The following PIEZO2 variants were observed in gnomAD, a reference collection of about 807,000 sequenced individuals.
The protein encoded by PIEZO2 is piezo type mechanosensitive ion channel component 2.
A neutral mutation model predicts 337.3 loss-of-function variants in PIEZO2; 172 were observed. The observed-to-expected ratio is 0.51, with a 90% CI of 0.45 to 0.58. The LOEUF is 0.58. Ranked by LOEUF, PIEZO2 falls within the 20% of genes least tolerant of loss-of-function variation. The probability of loss-of-function intolerance (pLI) is 0.00; values close to 1 mark genes in which losing one functional copy is unlikely to be tolerated. For synonymous variants in PIEZO2, 1,251 were observed against 1,228.5 expected, an observed-to-expected ratio of 1.02 and a Z score of -0.38; for missense variants, 3,028 against 3,391.3, an observed-to-expected ratio of 0.89 and a Z score of 2.66.
At chr18:10,715,611 T>G in intron 38 of PIEZO2, 39 bp downstream of exon 38, 2 of 1,468,230 alleles carry the variant, frequency 1.4e-6, no homozygotes, top group Non-Finnish European at 1.8e-6. Context: ...GTCTTCTTAA[T>G]GTGGGAAGGA....
At chr18:10,849,169 CGCCCAGCT>C (rs202219799) in intron 7 of PIEZO2, among the ~76,000 whole-genome samples, 2,711 of 152,234 alleles carry the variant, frequency 0.018, 81 homozygotes, top group African/African-American at 0.062. Context: ...TGTGGCACCA[CGCCCAGCT>C]CATTTTGTAT....
At chr18:10,776,363 TAAG>T (rs971137731) in intron 18 of PIEZO2, among the ~76,000 whole-genome samples, 3 of 152,222 alleles carry the variant, frequency 2.0e-5, no homozygotes, top group African/African-American at 7.2e-5. Flanking sequence ...CATTTTAAAA[TAAG>T]GAGCCATCTT....
intron 2 of PIEZO2, among the ~76,000 whole-genome samples, chr18:11,013,534 C>T (rs1343919854): frequency 3.3e-5 from 5 of 152,146 alleles, no homozygotes; most frequent in Admixed American, 1.3e-4. Context: ...TTAATTTCAC[C>T]GTTCTATCAA....
In PIEZO2 at chr18:10,699,047, G is replaced by T; in HGVS notation, c.6572C>A (p.Ala2191Glu). The T allele has an allele frequency of 6.5e-7, 1 of 1,537,166 alleles. No individual in the cohort carries two copies. The highest frequency in any genetic ancestry group is 8.7e-7 in the Non-Finnish European group (1 of 1,146,902). Residue 2191 changes from alanine to glutamate, a missense_variant, in exon 44 of 56, where the codon GCG becomes GAG. Physicochemically the swap from Ala to Glu is moderately radical, Grantham distance 107. Transcript: ENST00000674853. Reference sequence around the variant, plus strand: ...GGTCACATGCACTGACTCCACAGACGCGGCCAGGTTGATGGACTTGAGAGA... The same window carrying T: ...GGTCACATGCACTGACTCCACAGACTCGGCCAGGTTGATGGACTTGAGAGA... ...SDSLKSINLA[A>E]SVESVHVTFP...
chr18:10,800,492 G>T lies in PIEZO2; in HGVS notation c.1240-17C>A, dbSNP rs1023211051. The T allele has an allele frequency of 1.2e-5, 19 of 1,521,092 alleles. No homozygotes were observed. Among genetic ancestry groups the T allele is most frequent in the Non-Finnish European group, 1.7e-5 (19 of 1,139,784 alleles). The allele number at this position is 1,521,092 out of a possible 1,614,324, so 94.2% of individuals were successfully genotyped here. A position where few individuals can be genotyped will look rare whatever the true frequency, so the allele number is the denominator to read the frequency against. On this transcript the variant is annotated splice_polypyrimidine_tract_variant and intron_variant, in intron 10 of 55. Transcript: ENST00000674853. ...CAGCAGGCCCTGCCGGGAGTGCAGA[G>T]AAAGGGACAACTGTTACAGCAGCTC...
intron 51 of PIEZO2, among the ~76,000 whole-genome samples, chr18:10,681,328 G>A (rs1030329641): frequency 1.3e-5 from 2 of 152,208 alleles, no homozygotes; most frequent in African/African-American, 4.8e-5. Flanking sequence ...TGCCTAGATA[G>A]AGCGTTCTCA....
At chr18:11,071,888 T>C (rs1481478346) in intron 1 of PIEZO2, among the ~76,000 whole-genome samples, 1 of 152,170 alleles carries the variant, frequency 6.6e-6, no homozygotes, top group Non-Finnish European at 1.5e-5. Context: ...ATTCTTCCCC[T>C]GGGTTTGGGG....
rs1271895081 is a variant in PIEZO2, at chr18:10,833,843, G to A, written c.917+21510C>T. On this transcript the variant is annotated intron_variant, in intron 7 of 55. Coordinates refer to ENST00000674853, the MANE Select transcript of PIEZO2 (RefSeq NM_001378183.1). This position sits in a 1 kb window ranked among gnomAD's most constrained non-coding sequence, Gnocchi z 4.7. ...CGCATTAGGCTGCCCTTTCCCTGAA[G>A]CCAAGGTTGCCCTTGTCAACACAGG... 6.6e-6 allele frequency among the ~76,000 whole-genome samples: 1 copy of A among 152,222 alleles called. No homozygotes were observed. The highest frequency in any genetic ancestry group is 2.4e-5 in the African/African-American group (1 of 41,456).
intron 3 of PIEZO2, among the ~76,000 whole-genome samples, chr18:10,911,621 G>T (rs537081630): frequency 1.1e-3 from 167 of 152,244 alleles, no homozygotes; most frequent in African/African-American, 3.7e-3. Context: ...CGGGCATGGT[G>T]GTGGGCACCT....
intron 53 of PIEZO2, 134 bp from the exon 54 acceptor site, chr18:10,675,422 A>G: frequency 4.3e-6 from 2 of 464,594 alleles, no homozygotes; most frequent in Non-Finnish European, 7.4e-6. Context: ...CAATGTGTAG[A>G]CATCATAATT....
In PIEZO2 at chr18:10,725,079, G is replaced by T. The variant is rs558808676; in HGVS notation, c.5029+6328C>A. 3 of 1,518,800 alleles carry T rather than the reference G, an allele frequency of 2.0e-6. No homozygotes were observed. The East Asian group carries it at 6.8e-5, about 34-fold the overall frequency. 94.1% of individuals were successfully genotyped at this position (1,518,800 alleles called of 1,614,324 possible). A position where few individuals can be genotyped will look rare whatever the true frequency, so the allele number is the denominator to read the frequency against. On this transcript the variant is annotated intron_variant, in intron 36 of 55. Transcript: ENST00000674853. ...CCAACGTGGACCGTGAGGGAGACAA[G>T]TTCTTTCAGTCGCATTACACCTACA... is the stretch of plus-strand genomic sequence containing the variant.
At chr18:11,037,517 A>G (rs2036965588) in intron 2 of PIEZO2, among the ~76,000 whole-genome samples, 1 of 152,228 alleles carries the variant, frequency 6.6e-6, no homozygotes, top group South Asian at 2.1e-4. Context: ...CTGAGCAATT[A>G]GAGTAGATTG....
rs527827463 is a variant in PIEZO2 at position 10,980,525 on chromosome 18, T to C, written c.161-865A>G. Among the ~76,000 whole-genome samples the C allele has an allele frequency of 6.6e-6, 1 of 152,276 alleles. No individual in the cohort carries two copies. The highest frequency in any genetic ancestry group is 1.5e-5 in the Non-Finnish European group (1 of 68,012). On this transcript the variant is annotated intron_variant, in intron 2 of 55. Coordinates refer to ENST00000674853, the MANE Select transcript of PIEZO2 (RefSeq NM_001378183.1). This position sits in a 1 kb window ranked among gnomAD's most constrained non-coding sequence, Gnocchi z 4.8. Reference sequence around the variant, plus strand: ...TCACTGGATGTACTGGTCAATGCCATAAGATAAGAGATACAATGAAGATTG... The same window carrying C: ...TCACTGGATGTACTGGTCAATGCCACAAGATAAGAGATACAATGAAGATTG...
intron 2 of PIEZO2, among the ~76,000 whole-genome samples, chr18:11,058,797 G>C (rs1490748359): frequency 6.6e-6 from 1 of 152,194 alleles, no homozygotes; most frequent in Non-Finnish European, 1.5e-5. Context: ...ACCTGAAAGT[G>C]ACAGGGAGAA....
At chr18:10,743,415 TCAGAGGTTC>T (rs1239955368) in intron 31 of PIEZO2, among the ~76,000 whole-genome samples, 1 of 152,154 alleles carries the variant, frequency 6.6e-6, no homozygotes, top group Non-Finnish European at 1.5e-5. Flanking sequence ...CAAACAGTCC[TCAGAGGTTC>T]CATCATTGCT....
chr18:11,078,046 CCACACACACACA>C lies in PIEZO2; in HGVS notation c.65-11836_65-11825del, dbSNP rs35766286. On this transcript the variant is annotated intron_variant, in intron 1 of 55. Transcript: ENST00000674853. This position sits in a 1 kb window ranked among gnomAD's most constrained non-coding sequence, Gnocchi z 5.3. ...TGCGTGCACACACACCCACACACAC[CCACACACACACA>C]CACACACACCACACACACAAAAACA... is the stretch of plus-strand genomic sequence containing the variant. Among the ~76,000 whole-genome samples the C allele has an allele frequency of 4.4e-5, 6 of 135,778 alleles. No individual in the cohort carries two copies. The highest frequency in any genetic ancestry group is 8.3e-5 in the Non-Finnish European group (5 of 60,008). 89.1% of individuals were successfully genotyped at this position (135,778 alleles called of 152,430 possible).
chr18:10,742,912 A>G (rs1029676855), intron 31 of PIEZO2, among the ~76,000 whole-genome samples: 1 of 152,114 alleles, frequency 6.6e-6, no homozygotes, highest in Non-Finnish European at 1.5e-5. Flanking sequence ...GGTAAGCTAT[A>G]CTTGATGTCC....
intron 50 of PIEZO2, 109 bp downstream of exon 50, chr18:10,681,995 T>C: frequency 8.9e-7 from 1 of 1,123,938 alleles, no homozygotes; most frequent in Non-Finnish European, 1.2e-6. Flanking sequence ...AGCAGTCAAA[T>C]GCCGACAGCA....
At chr18:10,960,506 C>T (rs979938800) in intron 3 of PIEZO2, among the ~76,000 whole-genome samples, 1 of 150,268 alleles carries the variant, frequency 6.7e-6, no homozygotes, top group African/African-American at 2.4e-5. Context: ...CCTTAGGCAA[C>T]ATTAAGAACA....
Sources: allele counts gnomAD v4.1 joint callset (sites outside exome capture counted in the v4.1 genomes callset), GRCh38; gene constraint gnomAD v4.1.1; non-coding constraint Gnocchi (gnomAD v3.1); transcripts MANE v1.5; gene names NCBI Gene and HGNC (gene_info 2026-07-23, HGNC 2026-07-21).